The following PTPN3 variants were observed in gnomAD, a reference collection of about 807,000 sequenced individuals.
PTPN3 encodes protein tyrosine phosphatase non-receptor type 3.
Under a neutral mutation model 132.7 loss-of-function variants are expected in PTPN3, and 96 were observed. The observed-to-expected ratio is 0.72, with a 90% confidence interval of 0.61 to 0.86. PTPN3 has a LOEUF of 0.86. Ranked by LOEUF, PTPN3 falls within the 40% of genes least tolerant of loss-of-function variation. The probability of loss-of-function intolerance (pLI) is 0.00; values close to 1 mark genes in which losing one functional copy is unlikely to be tolerated. For synonymous variants in PTPN3, 398 were observed against 429.0 expected, an observed-to-expected ratio of 0.93 and a Z score of 0.89; for missense variants, 1,125 against 1,159.6, an observed-to-expected ratio of 0.97 and a Z score of 0.43.
intron 19 of PTPN3, among the ~76,000 whole-genome samples, chr9:109,403,947 A>G (rs1464274212): frequency 6.6e-6 from 1 of 152,180 alleles, no homozygotes; most frequent in African/African-American, 2.4e-5. Context: ...TGGGAGGGCG[A>G]GACACTATGC....
chr9:109,520,120 C>T, the PTPN3 span, among the ~76,000 whole-genome samples: 1 of 149,856 alleles, frequency 6.7e-6, no homozygotes. Context: ...GATGGCGCCA[C>T]TGCACTCCAG....
chr9:109,531,002 T>C, the PTPN3 span, among the ~76,000 whole-genome samples: 1 of 152,238 alleles, frequency 6.6e-6, no homozygotes, highest in African/African-American at 2.4e-5. Flanking sequence ...AGATATTTTA[T>C]CCCATTCTCT....
chr9:109,424,351 G>A (rs1311735238), intron 12 of PTPN3, among the ~76,000 whole-genome samples: 1 of 152,212 alleles, frequency 6.6e-6, no homozygotes, highest in Admixed American at 6.5e-5. Flanking sequence ...GTATGCTGAA[G>A]CTGGCACAGG....
intron 1 of PTPN3, among the ~76,000 whole-genome samples, chr9:109,474,216 T>C (rs969451542): frequency 3.9e-5 from 6 of 152,124 alleles, no homozygotes; most frequent in Admixed American, 1.3e-4. Context: ...CAAGTCATAC[T>C]GAGGAAAATG....
chr9:109,428,866 C>T, intron 10 of PTPN3, 182 bp from the exon 11 acceptor site: 1 of 985,386 alleles, frequency 1.0e-6, no homozygotes, highest in Non-Finnish European at 1.2e-6. Context: ...TACCAAGTAG[C>T]TGACTGAAGC....
intron 7 of PTPN3, among the ~76,000 whole-genome samples, chr9:109,442,214 A>T: frequency 6.6e-6 from 1 of 151,936 alleles, no homozygotes; most frequent in East Asian, 1.9e-4. Context: ...CACCTGGCTA[A>T]TTTTTGTATA....
the PTPN3 span, among the ~76,000 whole-genome samples, chr9:109,519,373 G>T: frequency 6.6e-6 from 1 of 152,232 alleles, no homozygotes; most frequent in Non-Finnish European, 1.5e-5. Context: ...AAGGGAGACA[G>T]GGCTAAGCTA....
rs1838855181 is a variant in PTPN3 at position 109,379,625 on chromosome 9, G to C, written c.2673C>G (p.Tyr891Ter). 1 of 1,613,862 alleles carries C rather than the reference G, an allele frequency of 6.2e-7. No individual in the cohort carries two copies. The highest frequency in any genetic ancestry group is 1.1e-5 in the South Asian group (1 of 91,076). The change falls in exon 26 of 26, where the codon TAC (tyrosine) becomes TAG (stop). Residue 891 changes from tyrosine to a stop codon, truncating the protein, a stop_gained. Coordinates refer to ENST00000374541, the MANE Select transcript of PTPN3 (RefSeq NM_002829.4). LOFTEE classifies it high-confidence loss of function. Reference sequence around the variant, plus strand: ...GAAGAATCGCTTCACACACAAACTTGTACTGGCTCTGGAAAAGAAAAAAAT... The same window carrying C: ...GAAGAATCGCTTCACACACAAACTTCTACTGGCTCTGGAAAAGAAAAAAAT... The part of the protein sequence containing the change: ...RAMMVQTSSQ[Y>*]KFVCEAILRV...
At chr9:109,536,079 G>T in the PTPN3 span, among the ~76,000 whole-genome samples, 268 of 152,174 alleles carry the variant, frequency 1.8e-3, 2 homozygotes, top group African/African-American at 6.2e-3. Context: ...CTATGGATTT[G>T]CCTATTCTGG....
intron 2 of PTPN3, among the ~76,000 whole-genome samples, chr9:109,457,743 G>A (rs1845637648): frequency 6.6e-6 from 1 of 152,198 alleles, no homozygotes; most frequent in Non-Finnish European, 1.5e-5. Context: ...TATCCACAAT[G>A]AAATGCTAAC....
At chr9:109,384,191 G>A (rs1839366546) in intron 22 of PTPN3, among the ~76,000 whole-genome samples, 1 of 152,122 alleles carries the variant, frequency 6.6e-6, no homozygotes, top group Non-Finnish European at 1.5e-5. Context: ...GGGGGCAGGC[G>A]GGGGTGGCCA....
intron 12 of PTPN3, among the ~76,000 whole-genome samples, chr9:109,424,841 T>G (rs1215169603): frequency 1.3e-5 from 2 of 152,222 alleles, no homozygotes; most frequent in Admixed American, 1.3e-4. Flanking sequence ...ATAGGGGTAT[T>G]TTCTTGTGCC....
intron 24 of PTPN3, 109 bp downstream of exon 24, chr9:109,382,193 G>A: frequency 1.5e-6 from 2 of 1,338,266 alleles, no homozygotes; most frequent in South Asian, 2.8e-5. Flanking sequence ...GGTTTGTAAG[G>A]GCACACGACT....
At chr9:109,408,825 T>C (rs1841820587) in intron 16 of PTPN3, among the ~76,000 whole-genome samples, 2 of 125,144 alleles carry the variant, frequency 1.6e-5, no homozygotes, top group South Asian at 2.7e-4. Context: ...ATATGGGCTT[T>C]ATATATATAT....
intron 1 of PTPN3, among the ~76,000 whole-genome samples, chr9:109,466,703 G>C (rs889082268): frequency 6.6e-6 from 1 of 152,328 alleles, no homozygotes; most frequent in African/African-American, 2.4e-5. Flanking sequence ...GCAGACGCAA[G>C]TCACGGGTAA....
chr9:109,383,251 AG>A, intron 23 of PTPN3, 171 bp downstream of exon 23: 1 of 1,139,502 alleles, frequency 8.8e-7, no homozygotes, highest in Non-Finnish European at 1.3e-6. Flanking sequence ...TGTTGTGACT[AG>A]GGCCACTGTG....
At chr9:109,454,770 T>C (rs1441256971) in intron 4 of PTPN3, among the ~76,000 whole-genome samples, 196 bp from the exon 5 acceptor site, 2 of 152,222 alleles carry the variant, frequency 1.3e-5, no homozygotes, top group Non-Finnish European at 2.9e-5. Flanking sequence ...AAAACATTTA[T>C]GCAACATCAG....
intron 22 of PTPN3, among the ~76,000 whole-genome samples, chr9:109,384,509 C>T (rs952115534): frequency 1.3e-5 from 2 of 152,178 alleles, no homozygotes. Context: ...TCCGCACAGA[C>T]GGGCTGATCC....
At position 109,427,010 on chromosome 9, in the gene PTPN3, AG is replaced by A; in HGVS notation, c.940del (p.Leu314TyrfsTer23). On this transcript the variant is annotated frameshift_variant, in exon 12 of 26. Transcript: ENST00000374541. LOFTEE classifies it high-confidence loss of function. ...HHTFFQAKKL[L>X]PQEKNVLSQY... ...AGACAGAACATTCTTTTCCTGAGGT[AG>A]TAGCTTCTTTGCCTGAAAGAACGTA... is the stretch of plus-strand genomic sequence containing the variant. 6.2e-7 allele frequency: 1 copy of A among 1,613,806 alleles called. No homozygotes were observed. The highest frequency in any genetic ancestry group is 8.5e-7 in the Non-Finnish European group (1 of 1,179,676).
Sources: gnomAD v4.1 joint callset for allele counts (sites outside exome capture counted in the v4.1 genomes callset) on GRCh38, gnomAD v4.1.1 for gene constraint, MANE v1.5 for transcripts, NCBI Gene and HGNC (gene_info 2026-07-23, HGNC 2026-07-21) for gene names.